AGTPBP1: variants seen among roughly 807,000 people sequenced by gnomAD.
The protein encoded by AGTPBP1 is ATP/GTP binding carboxypeptidase 1, also known as cytosolic carboxypeptidase 1.
In AGTPBP1, 70 loss-of-function variants were observed where a neutral mutation model predicts 143.9. The observed-to-expected ratio is 0.49, with a 90% CI of 0.40 to 0.59. The LOEUF (loss-of-function observed/expected upper bound fraction) is 0.59, where lower values mean the gene tolerates loss of function less well. AGTPBP1 is among the 20% of genes least tolerant of loss of function. The probability of loss-of-function intolerance (pLI) is 0.00; values close to 1 mark genes in which losing one functional copy is unlikely to be tolerated. For synonymous variants in AGTPBP1, 463 were observed against 500.2 expected (o/e 0.93, Z 0.99); for missense variants, 1,229 against 1,464.5 (o/e 0.84, Z 2.62).
intron 24 of AGTPBP1, among the ~76,000 whole-genome samples, chr9:85,575,758 A>G (rs764293232): frequency 1.3e-5 from 2 of 152,124 alleles, no homozygotes; most frequent in Non-Finnish European, 2.9e-5. Flanking sequence ...ATACAGTAAC[A>G]CTTTGTGACG....
the AGTPBP1 span, among the ~76,000 whole-genome samples, chr9:85,750,381 G>A: frequency 1.7e-4 from 26 of 152,278 alleles, no homozygotes; most frequent in Middle Eastern, 3.4e-3. Context: ...TCAGATGGGT[G>A]TAACATTTTT....
intron 11 of AGTPBP1, among the ~76,000 whole-genome samples, chr9:85,651,040 C>A (rs926113016): frequency 1.3e-5 from 2 of 152,178 alleles, no homozygotes; most frequent in Admixed American, 1.3e-4. Flanking sequence ...TATGTACCAG[C>A]TAGTCGGATT....
At chr9:85,742,218 G>T (rs1824392951), upstream of AGTPBP1, among the ~76,000 whole-genome samples, 1 of 152,084 alleles carries the variant, frequency 6.6e-6, no homozygotes, top group African/African-American at 2.4e-5. Context: ...TCCGCGCGCT[G>T]CCGGTCCCTT....
chr9:85,643,101 G>T, intron 12 of AGTPBP1, 158 bp from the exon 13 acceptor site: 1 of 597,802 alleles, frequency 1.7e-6, no homozygotes, highest in Non-Finnish European at 2.9e-6. Flanking sequence ...ATTCAAATTT[G>T]CTTATTGTTT....
the AGTPBP1 span, among the ~76,000 whole-genome samples, chr9:85,803,092 C>T: frequency 6.6e-6 from 1 of 152,206 alleles, no homozygotes; most frequent in Admixed American, 6.5e-5. Flanking sequence ...GAACTACTTT[C>T]TCCCACTGTC....
rs1835147562 is a variant in AGTPBP1, at chr9:85,681,186, T to C, written c.225+82A>G. On this transcript the variant is annotated intron_variant, in intron 4 of 25. Transcript: ENST00000357081. ...ACGTGTGTATGTGTTTCTGTGTGTA[T>C]TTATACACACACATACGCTTTTTCT... The C allele has an allele frequency of 3.2e-5, 40 of 1,261,104 alleles. No homozygotes were observed. The South Asian group carries it at 5.1e-4, about 16-fold the overall frequency. 78.1% of individuals were successfully genotyped at this position (1,261,104 alleles called of 1,614,324 possible).
chr9:85,672,493 ATTC>A (rs908347097), intron 7 of AGTPBP1, 54 bp downstream of exon 7: 2 of 1,561,710 alleles, frequency 1.3e-6, no homozygotes, highest in African/African-American at 2.8e-5. Context: ...ATACTTTAAA[ATTC>A]TTTTTGTGTA....
chr9:85,648,048 TAGC>T (rs1832924173), intron 11 of AGTPBP1, among the ~76,000 whole-genome samples: 1 of 152,188 alleles, frequency 6.6e-6, no homozygotes, highest in African/African-American at 2.4e-5. Flanking sequence ...TTCCATGTTG[TAGC>T]AGGATAGCAC....
intron 17 of AGTPBP1, among the ~76,000 whole-genome samples, chr9:85,607,601 T>C (rs966614314): frequency 6.6e-6 from 1 of 152,108 alleles, no homozygotes; most frequent in African/African-American, 2.4e-5. Flanking sequence ...GCCTCAAATA[T>C]AGATAATCAA....
chr9:85,761,129 A>G, the AGTPBP1 span, among the ~76,000 whole-genome samples: 1 of 152,196 alleles, frequency 6.6e-6, no homozygotes, highest in Non-Finnish European at 1.5e-5. Context: ...AAAGAGGACA[A>G]AAACAAATGG....
At chr9:85,611,378 A>C (rs1830310379) in intron 17 of AGTPBP1, among the ~76,000 whole-genome samples, 2 of 151,952 alleles carry the variant, frequency 1.3e-5, no homozygotes, top group Non-Finnish European at 2.9e-5. Context: ...AAAAAAGCAA[A>C]CATACATCAA....
In AGTPBP1 at chr9:85,592,716, A is replaced by G. The variant is rs1436377281; in HGVS notation, c.2424-12T>C. 1 of 1,608,560 alleles carries G rather than the reference A, an allele frequency of 6.2e-7. No individual in the cohort carries two copies. The highest frequency in any genetic ancestry group is 2.3e-5 in the East Asian group (1 of 44,442). The stretch of plus-strand genomic sequence containing the variant: ...TTGAGAAATGATTTCTGCAATAAAA[A>G]CGCATAAAACATGTTCATTTCATCC... On this transcript the variant is annotated splice_polypyrimidine_tract_variant and intron_variant, in intron 18 of 25. Coordinates refer to ENST00000357081, the MANE Select transcript of AGTPBP1 (RefSeq NM_001330701.2).
chr9:85,713,044 AAT>A (rs749480986), intron 1 of AGTPBP1, among the ~76,000 whole-genome samples: 3 of 152,212 alleles, frequency 2.0e-5, no homozygotes, highest in Non-Finnish European at 4.4e-5. Context: ...TCCCTCAAAC[AAT>A]AGTTTTCATT....
At chr9:85,804,584 G>A in the AGTPBP1 span, among the ~76,000 whole-genome samples, 1 of 136,122 alleles carries the variant, frequency 7.3e-6, no homozygotes, top group Non-Finnish European at 1.5e-5. Flanking sequence ...CCTGTGGGGC[G>A]TCTAATATTA....
At chr9:85,659,975 T>C (rs1303033154) in intron 9 of AGTPBP1, among the ~76,000 whole-genome samples, 1 of 152,066 alleles carries the variant, frequency 6.6e-6, no homozygotes, top group African/African-American at 2.4e-5. Context: ...AAAAATAAAA[T>C]TGTTAAATGA....
At chr9:85,764,462 G>A in the AGTPBP1 span, among the ~76,000 whole-genome samples, 11 of 152,176 alleles carry the variant, frequency 7.2e-5, no homozygotes, top group Non-Finnish European at 1.3e-4. Flanking sequence ...CCTGGGAAGC[G>A]AAGGTTGCAG....
chr9:85,625,715 C>T (rs1376076670), intron 14 of AGTPBP1, among the ~76,000 whole-genome samples: 1 of 151,610 alleles, frequency 6.6e-6, no homozygotes, highest in East Asian at 1.9e-4. Flanking sequence ...GAAACCCCAT[C>T]TCTACTAAAA....
chr9:85,761,709 C>T, the AGTPBP1 span, among the ~76,000 whole-genome samples: 1 of 152,132 alleles, frequency 6.6e-6, no homozygotes, highest in Admixed American at 6.5e-5. Flanking sequence ...AGAACATAGG[C>T]ATGGGCAAGG....
chr9:85,733,556 A>G (rs919637559), intron 1 of AGTPBP1, among the ~76,000 whole-genome samples: 5 of 152,188 alleles, frequency 3.3e-5, no homozygotes, highest in Non-Finnish European at 7.3e-5. Context: ...CAACTAAGGA[A>G]CTACAAAAAG....
Sources: allele counts gnomAD v4.1 joint callset (sites outside exome capture counted in the v4.1 genomes callset), GRCh38; gene constraint gnomAD v4.1.1; transcripts MANE v1.5; gene names NCBI Gene and HGNC (gene_info 2026-07-23, HGNC 2026-07-21).